The following CNTN5 variants were observed in gnomAD, a reference collection of about 807,000 sequenced individuals.
CNTN5 encodes contactin-5.
Under a neutral mutation model 129.1 loss-of-function variants are expected in CNTN5, and 77 were observed. The observed-to-expected ratio is 0.60, with a 90% CI of 0.50 to 0.72. CNTN5 has a LOEUF of 0.72. CNTN5 is among the 30% of genes least tolerant of loss of function. The probability of loss-of-function intolerance (pLI) is 0.00; values close to 1 mark genes in which losing one functional copy is unlikely to be tolerated. For missense variants in CNTN5, 1,478 were observed against 1,328.8 expected, an observed-to-expected ratio of 1.11 and a Z score of -1.75; for synonymous variants, 509 against 465.6, an observed-to-expected ratio of 1.09 and a Z score of -1.20.
chr11:99,186,952 G>A (rs2135580620), intron 1 of CNTN5, among the ~76,000 whole-genome samples: 1 of 152,036 alleles, frequency 6.6e-6, no homozygotes, highest in South Asian at 2.1e-4. Flanking sequence ...GGGTTGAGCA[G>A]CCAGTTCTCA....
chr11:100,005,554 G>A (rs11222306), intron 9 of CNTN5, among the ~76,000 whole-genome samples: 6,257 of 152,130 alleles, frequency 0.041, 167 homozygotes, highest in Non-Finnish European at 0.063. Context: ...CAAATCTCTA[G>A]AACTTATTTA....
At chr11:100,110,490 G>C (rs1945617804) in intron 13 of CNTN5, among the ~76,000 whole-genome samples, 1 of 151,858 alleles carries the variant, frequency 6.6e-6, no homozygotes, top group Admixed American at 6.6e-5. Flanking sequence ...ATACATTTCA[G>C]TTCATGAATG....
chr11:99,638,064 A>G (rs1244899769), intron 3 of CNTN5, among the ~76,000 whole-genome samples: 1 of 121,438 alleles, frequency 8.2e-6, no homozygotes, highest in Non-Finnish European at 1.9e-5. Context: ...TGATAAAGAC[A>G]TACCTGAAAC....
At chr11:99,257,490 A>T (rs941546410) in intron 1 of CNTN5, among the ~76,000 whole-genome samples, 11 of 152,088 alleles carry the variant, frequency 7.2e-5, no homozygotes, top group African/African-American at 2.4e-4. Flanking sequence ...CATGATGAGA[A>T]CACTTCATAG....
At chr11:99,497,775 G>A in intron 2 of CNTN5, among the ~76,000 whole-genome samples, 1 of 152,100 alleles carries the variant, frequency 6.6e-6, no homozygotes, top group East Asian at 1.9e-4. Context: ...AAAATGTGAA[G>A]AGAATATATT....
At chr11:100,042,057 C>A (rs1355201113) in intron 9 of CNTN5, among the ~76,000 whole-genome samples, 1 of 152,136 alleles carries the variant, frequency 6.6e-6, no homozygotes, top group African/African-American at 2.4e-5. Flanking sequence ...GGTCCCCTGC[C>A]TCAAGGGAGA....
At chr11:99,527,500 G>T (rs1947530727) in intron 2 of CNTN5, among the ~76,000 whole-genome samples, 1 of 152,084 alleles carries the variant, frequency 6.6e-6, no homozygotes, top group South Asian at 2.1e-4. Context: ...GCAAAAGAAT[G>T]CAGAGAAAAG....
At chr11:99,154,370 T>C (rs1170723631) in intron 1 of CNTN5, among the ~76,000 whole-genome samples, 1 of 152,174 alleles carries the variant, frequency 6.6e-6, no homozygotes, top group African/African-American at 2.4e-5. Flanking sequence ...GCATGCACAT[T>C]GGCAGCAGTG....
At chr11:99,129,496 C>A (rs1858822664) in intron 1 of CNTN5, among the ~76,000 whole-genome samples, 1 of 152,090 alleles carries the variant, frequency 6.6e-6, no homozygotes, top group Admixed American at 6.5e-5. Flanking sequence ...ACTGAAGTAC[C>A]TGAAAGAGAC....
intron 3 of CNTN5, among the ~76,000 whole-genome samples, chr11:99,613,962 G>A (rs1950676966): frequency 6.6e-6 from 1 of 152,096 alleles, no homozygotes; most frequent in Admixed American, 6.5e-5. Flanking sequence ...TTCCTGAATT[G>A]TTTTCTGCAT....
intron 3 of CNTN5, among the ~76,000 whole-genome samples, chr11:99,746,202 C>T (rs1591083200): frequency 6.6e-6 from 1 of 152,182 alleles, no homozygotes; most frequent in Non-Finnish European, 1.5e-5. Context: ...AGTGCTTTTA[C>T]AATTTCAGGA....
intron 14 of CNTN5, among the ~76,000 whole-genome samples, chr11:100,192,956 G>T (rs375222819): frequency 5.3e-5 from 8 of 151,798 alleles, no homozygotes; most frequent in Admixed American, 4.6e-4. Context: ...GCTTTTTGTC[G>T]AGTGTAAAGC....
chr11:99,654,125 G>A (rs1180710660), intron 3 of CNTN5, among the ~76,000 whole-genome samples: 2 of 152,202 alleles, frequency 1.3e-5, no homozygotes, highest in African/African-American at 4.8e-5. Context: ...TATCAGAACT[G>A]AGTCTTTGCT....
At chr11:99,588,595 A>G (rs1565326413) in intron 3 of CNTN5, among the ~76,000 whole-genome samples, 1 of 152,190 alleles carries the variant, frequency 6.6e-6, no homozygotes, top group African/African-American at 2.4e-5. Context: ...GAGAATTTCA[A>G]CATTCCACCC....
At chr11:100,023,848 T>C (rs1941283633) in intron 9 of CNTN5, among the ~76,000 whole-genome samples, 1 of 152,208 alleles carries the variant, frequency 6.6e-6, no homozygotes, top group South Asian at 2.1e-4. Context: ...GCTAATTTTT[T>C]TTTTAATACT....
intron 13 of CNTN5, among the ~76,000 whole-genome samples, chr11:100,188,794 C>A (rs372952870): frequency 6.6e-6 from 1 of 152,120 alleles, no homozygotes; most frequent in Non-Finnish European, 1.5e-5. Flanking sequence ...TTCATTGTAG[C>A]ACTAGTCACA....
intron 1 of CNTN5, among the ~76,000 whole-genome samples, chr11:99,263,382 C>T (rs77461559): frequency 0.017 from 2,517 of 152,102 alleles, 65 homozygotes; most frequent in African/African-American, 0.057. Context: ...ATATCAAAAA[C>T]AAAGTTTTAA....
At chr11:99,889,153 G>A (rs949640631) in intron 6 of CNTN5, among the ~76,000 whole-genome samples, 3 of 152,064 alleles carry the variant, frequency 2.0e-5, no homozygotes, top group African/African-American at 7.2e-5. Flanking sequence ...AGAATAAATA[G>A]ATATTGTCTA....
intron 3 of CNTN5, among the ~76,000 whole-genome samples, chr11:99,787,890 T>C (rs1024265131): frequency 6.6e-6 from 1 of 151,978 alleles, no homozygotes; most frequent in Non-Finnish European, 1.5e-5. Flanking sequence ...CCAGACCATA[T>C]ACGGATCTGA....
Sources: gnomAD v4.1 joint callset for allele counts (sites outside exome capture counted in the v4.1 genomes callset) on GRCh38, gnomAD v4.1.1 for gene constraint, MANE v1.5 for transcripts, NCBI Gene and HGNC (gene_info 2026-07-23, HGNC 2026-07-21) for gene names.